The following ADGRV1 variants were observed in gnomAD, a reference collection of about 807,000 sequenced individuals.
The protein encoded by ADGRV1 is G-protein coupled receptor 98.
In ADGRV1, 359 loss-of-function variants were observed where a neutral mutation model predicts 596.2. The ratio of observed to expected loss-of-function variants is 0.60; its 90% confidence interval spans 0.55 to 0.66. The LOEUF (loss-of-function observed/expected upper bound fraction) is 0.66. Among genes scored for constraint, ADGRV1 ranks in the 30% least tolerant of loss-of-function variants. ADGRV1 has a pLI of 0.00. For missense variants in ADGRV1, 7,274 were observed against 7,575.6 expected (o/e 0.96, Z 1.48); for synonymous variants, 2,681 against 2,679.2 (o/e 1.00, Z -0.02).
At chr5:90,881,025 T>G (rs1465649922) in intron 83 of ADGRV1, among the ~76,000 whole-genome samples, 3 of 152,208 alleles carry the variant, frequency 2.0e-5, no homozygotes, top group Non-Finnish European at 4.4e-5. Context: ...CTCTGTCTGC[T>G]CAATGATGTA....
intron 85 of ADGRV1, among the ~76,000 whole-genome samples, chr5:91,063,833 C>T (rs1450813292): frequency 6.6e-6 from 1 of 151,624 alleles, no homozygotes; most frequent in African/African-American, 2.4e-5. Context: ...GATTCAGGAG[C>T]TCCATAGGGG....
chr5:91,031,066 C>A, intron 85 of ADGRV1: 1 of 1,491,160 alleles, frequency 6.7e-7, no homozygotes. Flanking sequence ...AACTGCCAAT[C>A]ATATAGGGAT....
At chr5:90,882,398 T>C (rs1769880582) in intron 83 of ADGRV1, among the ~76,000 whole-genome samples, 1 of 152,220 alleles carries the variant, frequency 6.6e-6, no homozygotes, top group African/African-American at 2.4e-5. Context: ...TCCTATTTCC[T>C]GATGTGGAGA....
intron 87 of ADGRV1, among the ~76,000 whole-genome samples, chr5:91,111,300 T>A (rs944644013): frequency 1.3e-5 from 2 of 152,214 alleles, no homozygotes; most frequent in African/African-American, 4.8e-5. Context: ...CTCTCGTTGC[T>A]ATATGTTGAA....
chr5:90,620,009 AT>A (rs1052874626), intron 4 of ADGRV1, among the ~76,000 whole-genome samples: 3 of 151,970 alleles, frequency 2.0e-5, no homozygotes, highest in African/African-American at 7.3e-5. Context: ...ATTGTTGGAC[AT>A]TTGGGTTGGT....
chr5:90,715,083 C>T lies in ADGRV1; in HGVS notation c.9185-1384C>T, dbSNP rs931015581. ...TTTCCAATTTAGAAATATAAAATGC[C>T]TCTCCAGTAATTTAGATCTTTTATA... On this transcript the variant is annotated intron_variant, in intron 42 of 89. Coordinates refer to ENST00000405460, the MANE Select transcript of ADGRV1 (RefSeq NM_032119.4). 2.6e-5 allele frequency among the ~76,000 whole-genome samples: 4 copies of T among 152,278 alleles called. No individual in the cohort carries two copies. In the South Asian group the frequency reaches 8.3e-4, roughly 32 times the overall value.
At chr5:90,776,050 A>G (rs1191087585) in intron 60 of ADGRV1, among the ~76,000 whole-genome samples, 1 of 152,218 alleles carries the variant, frequency 6.6e-6, no homozygotes, top group Admixed American at 6.5e-5. Flanking sequence ...AAAATTAAAA[A>G]TGAAAAAGTG....
chr5:90,709,342 C>A (rs1749033041), intron 39 of ADGRV1, among the ~76,000 whole-genome samples: 1 of 151,972 alleles, frequency 6.6e-6, no homozygotes, highest in Admixed American at 6.6e-5. Flanking sequence ...TTTTTCTTTT[C>A]ATGCTTTTAG....
chr5:91,008,344 A>T (rs1326928740), intron 85 of ADGRV1, among the ~76,000 whole-genome samples: 4 of 152,174 alleles, frequency 2.6e-5, no homozygotes, highest in Non-Finnish European at 5.9e-5. Context: ...AATTGGAAAG[A>T]GATGCATACG....
intron 56 of ADGRV1, 127 bp from the exon 57 acceptor site, chr5:90,756,852 A>G: frequency 1.2e-6 from 1 of 814,558 alleles, no homozygotes; most frequent in Non-Finnish European, 1.9e-6. Flanking sequence ...GCATACTTAT[A>G]TCTGACTATT....
intron 85 of ADGRV1, among the ~76,000 whole-genome samples, chr5:91,068,808 A>C (rs6452935): frequency 0.6 from 89,605 of 149,742 alleles, 27,116 homozygotes; most frequent in South Asian, 0.68. Flanking sequence ...ATGAAACAAA[A>C]AAAAAAAAAT....
intron 85 of ADGRV1, among the ~76,000 whole-genome samples, chr5:90,988,491 CGTT>C (rs1780680001): frequency 1.3e-5 from 2 of 152,112 alleles, no homozygotes; most frequent in South Asian, 4.1e-4. Flanking sequence ...TCCCCCTGTA[CGTT>C]GTTATCTATT....
intron 59 of ADGRV1, among the ~76,000 whole-genome samples, chr5:90,765,589 T>C (rs990232675): frequency 6.6e-5 from 10 of 152,310 alleles, no homozygotes; most frequent in Admixed American, 3.9e-4. Context: ...ATCAGAGTAA[T>C]TGAGATATCC....
Position 91,049,184 on chromosome 5 carries a change from A to G in ADGRV1, c.18153-23263A>G, listed in dbSNP as rs185725062. ...TTTAAGAATAATTTCTAGGTAAACT[A>G]GTAAACCTTTCTCCTTTACCCTAGA... On this transcript the variant is annotated intron_variant, in intron 85 of 89. Transcript: ENST00000405460. 2.2e-3 allele frequency among the ~76,000 whole-genome samples: 330 copies of G among 152,372 alleles called. 1 individual carries two copies. The highest frequency in any genetic ancestry group is 0.01 in the South Asian group (49 of 4,832).
chr5:90,724,375 G>A (rs62375138), intron 45 of ADGRV1, among the ~76,000 whole-genome samples: 10,301 of 151,954 alleles, frequency 0.068, 462 homozygotes, highest in Non-Finnish European at 0.098. Context: ...TATTACAGGC[G>A]CACACCATCA....
intron 20 of ADGRV1, among the ~76,000 whole-genome samples, chr5:90,656,802 A>G (rs955913835): frequency 2.6e-5 from 4 of 152,252 alleles, no homozygotes; most frequent in East Asian, 3.9e-4. Flanking sequence ...TTACATAAAT[A>G]TCTTAGTTGA....
intron 74 of ADGRV1, among the ~76,000 whole-genome samples, chr5:90,814,572 G>A (rs1402287495): frequency 6.6e-6 from 1 of 152,060 alleles, no homozygotes; most frequent in Admixed American, 6.6e-5. Context: ...TCTTGTGATA[G>A]TGAGTGAGTT....
At chr5:90,898,815 G>A (rs1246839124) in intron 83 of ADGRV1, among the ~76,000 whole-genome samples, 6 of 151,882 alleles carry the variant, frequency 4.0e-5, no homozygotes, top group Admixed American at 3.9e-4. Context: ...GTGTGGTGGT[G>A]CACACCTGTA....
intron 84 of ADGRV1, among the ~76,000 whole-genome samples, chr5:90,966,667 A>G (rs575268740): frequency 2.6e-5 from 4 of 152,274 alleles, no homozygotes; most frequent in Admixed American, 6.5e-5. Context: ...GTAGAGTCCT[A>G]GCATACTCCC....
Sources: gnomAD v4.1 joint callset for allele counts (sites outside exome capture counted in the v4.1 genomes callset) on GRCh38, gnomAD v4.1.1 for gene constraint, MANE v1.5 for transcripts, NCBI Gene and HGNC (gene_info 2026-07-23, HGNC 2026-07-21) for gene names.